PSD3: variants seen among roughly 807,000 people sequenced by gnomAD.
PSD3 encodes the protein pleckstrin and Sec7 domain containing 3, also known as PH and SEC7 domain-containing protein 3.
A neutral mutation model predicts 105.5 loss-of-function variants in PSD3; 49 were observed. The observed-to-expected ratio is 0.46, with a 90% CI of 0.37 to 0.59. The LOEUF (loss-of-function observed/expected upper bound fraction) is 0.59. PSD3 is among the 20% of genes least tolerant of loss of function. The pLI, the probability that PSD3 is intolerant of heterozygous loss-of-function variation, is 0.00. For missense variants in PSD3, 1,561 were observed against 1,263.8 expected, an observed-to-expected ratio of 1.24 and a Z score of -3.57; for synonymous variants, 557 against 457.8, an observed-to-expected ratio of 1.22 and a Z score of -2.77.
chr8:18,716,906 C>T (rs1802637252), intron 9 of PSD3, among the ~76,000 whole-genome samples: 1 of 152,190 alleles, frequency 6.6e-6, no homozygotes, highest in East Asian at 1.9e-4. Context: ...ATCATCTCTA[C>T]CTTCTCTAAG....
intron 11 of PSD3, among the ~76,000 whole-genome samples, chr8:18,629,353 G>A (rs922910837): frequency 6.6e-6 from 1 of 151,884 alleles, no homozygotes; most frequent in African/African-American, 2.4e-5. Flanking sequence ...TTACTCCTAG[G>A]TAACTTCTGA....
chr8:18,554,981 T>A (rs991816170), intron 15 of PSD3, among the ~76,000 whole-genome samples: 3 of 151,998 alleles, frequency 2.0e-5, no homozygotes, highest in Non-Finnish European at 4.4e-5. Context: ...GGGAGGCCAG[T>A]GTGGGAAAGA....
rs546357520 is a variant in PSD3, at chr8:18,533,421, T to C, written c.*2322A>G. 2.0e-5 allele frequency: 3 copies of C among 152,346 alleles called. No homozygotes were observed. The highest frequency in any genetic ancestry group is 7.2e-5 in the African/African-American group (3 of 41,574). 9.4% of individuals were successfully genotyped at this position (152,346 alleles called of 1,614,324 possible). A position where few individuals can be genotyped will look rare whatever the true frequency, so the allele number is the denominator to read the frequency against. The stretch of plus-strand genomic sequence containing the variant: ...CTTCGTATCCAATGATCTATTAGCC[T>C]ATCCAGAAGTCCCTGGAGTTAATAT... On this transcript the variant is annotated 3_prime_UTR_variant, in exon 16 of 16. Transcript: ENST00000327040.
intron 13 of PSD3, among the ~76,000 whole-genome samples, chr8:18,573,697 C>T (rs775800746): frequency 6.6e-6 from 1 of 152,210 alleles, no homozygotes; most frequent in East Asian, 1.9e-4. Flanking sequence ...CACAAAAGAC[C>T]ACATCATATA....
At chr8:18,983,749 A>G (rs1050291578) in intron 1 of PSD3, among the ~76,000 whole-genome samples, 1 of 152,002 alleles carries the variant, frequency 6.6e-6, no homozygotes, top group Non-Finnish European at 1.5e-5. Flanking sequence ...CTGTAATCCT[A>G]CCATTTTGGG....
At chr8:18,664,765 C>G (rs752251181) in intron 9 of PSD3, among the ~76,000 whole-genome samples, 10 of 152,172 alleles carry the variant, frequency 6.6e-5, no homozygotes, top group Non-Finnish European at 1.3e-4. Flanking sequence ...CAGGCTGACT[C>G]TCTTCTTAGG....
At chr8:18,862,584 G>A (rs1492290) in intron 4 of PSD3, among the ~76,000 whole-genome samples, 2 of 151,954 alleles carry the variant, frequency 1.3e-5, no homozygotes, top group Admixed American at 6.5e-5. Context: ...CCGGAGCTCC[G>A]TGGGCAGCCA....
At chr8:18,755,434 T>TAACATAACAA (rs1805948483) in intron 9 of PSD3, among the ~76,000 whole-genome samples, 1 of 138,674 alleles carries the variant, frequency 7.2e-6, no homozygotes, top group Non-Finnish European at 1.6e-5. Flanking sequence ...TGTCTCAACA[T>TAACATAACAA]AACATAACAT....
chr8:19,005,611 A>C (rs1262425273), intron 1 of PSD3, among the ~76,000 whole-genome samples: 1 of 151,878 alleles, frequency 6.6e-6, no homozygotes, highest in Non-Finnish European at 1.5e-5. Context: ...CAGCCTCCTG[A>C]GTGGCTGCGA....
intron 4 of PSD3, among the ~76,000 whole-genome samples, chr8:18,845,883 T>C (rs572270390): frequency 9.2e-5 from 14 of 152,334 alleles, no homozygotes; most frequent in African/African-American, 3.1e-4. Flanking sequence ...AATAAACACA[T>C]CTAAATGAAA....
chr8:18,586,950 G>A (rs565085647), intron 12 of PSD3, among the ~76,000 whole-genome samples: 216 of 152,276 alleles, frequency 1.4e-3, no homozygotes, highest in Non-Finnish European at 2.2e-3. Flanking sequence ...CGGATCCTGG[G>A]ATCTTTGCAT....
At chr8:18,993,102 T>C (rs1274284384) in intron 1 of PSD3, among the ~76,000 whole-genome samples, 5 of 152,296 alleles carry the variant, frequency 3.3e-5, no homozygotes, top group Admixed American at 1.3e-4. Flanking sequence ...CCCATTAAAA[T>C]TGGATTAAAA....
chr8:19,028,091 T>G (rs556425359), intron 1 of PSD3, among the ~76,000 whole-genome samples: 2 of 152,314 alleles, frequency 1.3e-5, no homozygotes, highest in East Asian at 3.9e-4. Flanking sequence ...CATTCTATAT[T>G]GTGGCCAACA....
chr8:18,925,561 A>G (rs188283612), intron 2 of PSD3, among the ~76,000 whole-genome samples: 2 of 152,282 alleles, frequency 1.3e-5, no homozygotes. Flanking sequence ...CAAAATCTGA[A>G]ACGTTGGAGT....
chr8:19,028,031 T>C (rs1232056574), intron 1 of PSD3, among the ~76,000 whole-genome samples: 1 of 152,244 alleles, frequency 6.6e-6, no homozygotes, highest in African/African-American at 2.4e-5. Flanking sequence ...AAAGTGGCTA[T>C]GCTATTAACA....
In PSD3 at chr8:18,743,783, A is replaced by C. The variant is rs1804762338; in HGVS notation, c.2172+21666T>G. Among the ~76,000 whole-genome samples, 3 of 152,088 alleles carry C rather than the reference A, an allele frequency of 2.0e-5. No individual in the cohort carries two copies. The South Asian group carries it at 6.2e-4, about 32-fold the overall frequency. On this transcript the variant is annotated intron_variant, in intron 9 of 15. Transcript: ENST00000327040. ...AAGACCCTGTCTCTATTAAAAAAAA[A>C]AAAAAAAGAAAGAAAATTAGCTAGG...
At chr8:18,877,544 T>A (rs568203404) in intron 2 of PSD3, among the ~76,000 whole-genome samples, 1 of 151,870 alleles carries the variant, frequency 6.6e-6, no homozygotes, top group East Asian at 1.9e-4. Context: ...CCTATCTTTT[T>A]TTTTTTTTTT....
intron 4 of PSD3, among the ~76,000 whole-genome samples, chr8:18,808,023 A>G (rs1811350403): frequency 1.3e-5 from 2 of 152,222 alleles, no homozygotes; most frequent in South Asian, 4.1e-4. Context: ...CTGAATAATC[A>G]TTATCGACAG....
intron 9 of PSD3, among the ~76,000 whole-genome samples, chr8:18,717,574 T>A (rs1044026366): frequency 1.7e-4 from 26 of 152,290 alleles, no homozygotes; most frequent in African/African-American, 5.3e-4. Context: ...GGAATCAATT[T>A]TAAACAAATT....
Sources: allele counts gnomAD v4.1 joint callset (sites outside exome capture counted in the v4.1 genomes callset), GRCh38; gene constraint gnomAD v4.1.1; transcripts MANE v1.5; gene names NCBI Gene and HGNC (gene_info 2026-07-23, HGNC 2026-07-21).